The following USP22 variants were observed in gnomAD, a reference collection of about 807,000 sequenced individuals.
USP22 encodes ubiquitin carboxyl-terminal hydrolase 22.
Under a neutral mutation model 68.1 loss-of-function variants are expected in USP22, and 22 were observed. The observed-to-expected ratio is 0.32, with a 90% CI of 0.23 to 0.46. The LOEUF is 0.46. Among genes scored for constraint, USP22 ranks in the 20% least tolerant of loss-of-function variants. The pLI is 1.00. For missense variants in USP22, 433 were observed against 695.8 expected, an observed-to-expected ratio of 0.62 and a Z score of 4.25; for synonymous variants, 279 against 274.2, an observed-to-expected ratio of 1.02 and a Z score of -0.17.
rs112662835 is a variant in USP22, at chr17:21,026,100, A to C, written c.304+2442T>G. Reference sequence around the variant, plus strand: ...ATGGTGAAACCCCATCTCTACAAAAATACAAAAATTAGCTGGGCATGTTGG... The same window carrying C: ...ATGGTGAAACCCCATCTCTACAAAACTACAAAAATTAGCTGGGCATGTTGG... On this transcript the variant is annotated intron_variant, in intron 2 of 12. Coordinates refer to ENST00000261497, the MANE Select transcript of USP22 (RefSeq NM_015276.2). Among the ~76,000 whole-genome samples, 64 of 152,274 alleles carry C rather than the reference A, an allele frequency of 4.2e-4. 1 individual carries two copies. Among genetic ancestry groups the C allele is most frequent in the African/African-American group, 1.4e-3 (60 of 41,538 alleles).
intron 5 of USP22, among the ~76,000 whole-genome samples, chr17:21,017,061 T>C (rs1440975176): frequency 1.3e-5 from 2 of 152,190 alleles, no homozygotes; most frequent in Admixed American, 1.3e-4. Context: ...TTGCAGGTAC[T>C]TTGAGGAAAT....
At chr17:21,008,576 T>C (rs575073715) in intron 8 of USP22, among the ~76,000 whole-genome samples, 2 of 152,174 alleles carry the variant, frequency 1.3e-5, no homozygotes, top group East Asian at 1.9e-4. Flanking sequence ...CGTATGGAAA[T>C]GCAGGAGTCC....
chr17:21,005,011 A>G, intron 10 of USP22, 21 bp from the exon 11 acceptor site: 1 of 1,613,562 alleles, frequency 6.2e-7, no homozygotes, highest in Non-Finnish European at 8.5e-7. Context: ...CAACGGCAGG[A>G]TTCAGCATCA....
intron 1 of USP22, among the ~76,000 whole-genome samples, chr17:21,031,157 C>T (rs1237880758): frequency 1.3e-5 from 2 of 152,176 alleles, no homozygotes; most frequent in Non-Finnish European, 2.9e-5. Flanking sequence ...TTAAATTGAA[C>T]ACATGTACCC....
At position 21,004,709 on chromosome 17, in the gene USP22, T is replaced by G. The variant is rs138910705; in HGVS notation, c.1385+219A>C. Among the ~76,000 whole-genome samples the G allele has an allele frequency of 8.7e-3, 1,309 of 150,856 alleles. 26 individuals carry two copies. The highest frequency in any genetic ancestry group is 0.029 in the African/African-American group (1,210 of 41,176). On this transcript the variant is annotated intron_variant, in intron 11 of 12. Transcript: ENST00000261497. ...CCTCCCTCCTGCCAGAGGCCAAGAGTGGGGCTGGGCTCCTCCAACAGGAGG... is the reference window on the plus strand; with the variant it reads ...CCTCCCTCCTGCCAGAGGCCAAGAGGGGGGCTGGGCTCCTCCAACAGGAGG...
At chr17:21,034,098 A>G (rs1017987918) in intron 1 of USP22, among the ~76,000 whole-genome samples, 7 of 152,136 alleles carry the variant, frequency 4.6e-5, no homozygotes, top group Non-Finnish European at 8.8e-5. Flanking sequence ...CTAAAAAGCT[A>G]AAGACTTTGC....
chr17:21,042,775 G>T lies in USP22; in HGVS notation c.61C>A (p.Pro21Thr), dbSNP rs1972457669. The T allele has an allele frequency of 6.7e-7, 1 of 1,492,650 alleles. No homozygotes were observed. The highest frequency in any genetic ancestry group is 1.4e-5 in the African/African-American group (1 of 69,858). The allele number at this position is 1,492,650 out of a possible 1,614,324, so 92.5% of individuals were successfully genotyped here. Residue 21 changes from proline (P) to threonine (T), a missense_variant, in exon 1 of 13, where the codon CCG (proline) becomes ACG (threonine). Pro to Thr is a conservative substitution (Grantham distance 38). Transcript: ENST00000261497. Reference sequence around the variant, plus strand: ...AAGCTGCCCAGGTGCGAGCAGCCCGGCGGCGCTACCGCCAGCTCGGCGTCC... The same window carrying T: ...AAGCTGCCCAGGTGCGAGCAGCCCGTCGGCGCTACCGCCAGCTCGGCGTCC... ...AMDAELAVAPPGCSHLGSFKV... is the reference protein window; with the variant it reads ...AMDAELAVAPTGCSHLGSFKV...
intron 8 of USP22, 73 bp downstream of exon 8, chr17:21,011,078 T>C: frequency 6.6e-7 from 1 of 1,508,270 alleles, no homozygotes; most frequent in Non-Finnish European, 8.8e-7. Context: ...GAAAGAGCCC[T>C]GCTTTGGTCC....
intron 1 of USP22, among the ~76,000 whole-genome samples, chr17:21,029,910 T>G (rs1396010601): frequency 6.6e-6 from 1 of 152,156 alleles, no homozygotes; most frequent in Non-Finnish European, 1.5e-5. Context: ...ATAAAAACAT[T>G]TTCAAATTTG....
At chr17:21,022,381 A>AAAAAT (rs780443539) in intron 2 of USP22, among the ~76,000 whole-genome samples, 1 of 152,312 alleles carries the variant, frequency 6.6e-6, no homozygotes, top group African/African-American at 2.4e-5. Flanking sequence ...AAAAAGTCAA[A>AAAAAT]AAAATAAAAT....
chr17:21,035,882 T>C (rs1027834266), intron 1 of USP22, among the ~76,000 whole-genome samples: 1 of 151,436 alleles, frequency 6.6e-6, no homozygotes, highest in East Asian at 1.9e-4. Context: ...TACAAAAAAA[T>C]TAGCTGGGCG....
In USP22 at chr17:21,019,119, G is replaced by A; in HGVS notation, c.485C>T (p.Pro162Leu). ...GTTCGAGGTGATCTTTCTCCTTTTCGGGTTGTGCTTCAGCAGTTCAAGCTC... is the reference window on the plus strand; with the variant it reads ...GTTCGAGGTGATCTTTCTCCTTTTCAGGTTGTGCTTCAGCAGTTCAAGCTC... ...KRELELLKHN[P>L]KRRKITSNCT... The change falls in exon 4 of 13, where the codon CCG (proline) becomes CTG (leucine). Residue 162 changes from proline (P) to leucine (L), a missense_variant. Around this residue, in one of 4 missense-constraint regions of USP22, gnomAD observed 144 missense variants for 237.2 expected, o/e 0.61. Transcript: ENST00000261497. The A allele has an allele frequency of 6.2e-7, 1 of 1,614,116 alleles. No individual in the cohort carries two copies. The highest frequency in any genetic ancestry group is 8.5e-7 in the Non-Finnish European group (1 of 1,180,004).
At chr17:21,020,535 TG>T (rs1276765071) in intron 3 of USP22, among the ~76,000 whole-genome samples, 2 of 151,864 alleles carry the variant, frequency 1.3e-5, no homozygotes, top group Non-Finnish European at 1.5e-5. Flanking sequence ...TTCCATCTGG[TG>T]GGTGCACGCT....
intron 1 of USP22, 103 bp downstream of exon 1, chr17:21,042,562 C>T: frequency 1.5e-6 from 1 of 660,882 alleles, no homozygotes; most frequent in Non-Finnish European, 2.0e-6. Context: ...CAGGGAAAGG[C>T]AACGGGGGAA....
At position 21,001,886 on chromosome 17, in the gene USP22, T is replaced by C. The variant is rs1913592788; in HGVS notation, c.*1145A>G. On this transcript the variant is annotated 3_prime_UTR_variant, in exon 13 of 13. Transcript: ENST00000261497. ...ATCCTTCTACTTTCTCTTTCAGCTC[T>C]GCTGACAAGCTCAATCACGGTGTCA... The C allele has an allele frequency of 6.6e-6, 1 of 152,264 alleles. No homozygotes were observed. Among genetic ancestry groups the C allele is most frequent in the Non-Finnish European group, 1.5e-5 (1 of 68,050 alleles). 9.4% of individuals were successfully genotyped at this position (152,264 alleles called of 1,614,324 possible). A position where few individuals can be genotyped will look rare whatever the true frequency, so the allele number is the denominator to read the frequency against.
chr17:21,006,924 G>A lies in USP22; in HGVS notation c.1294C>T (p.Leu432=), dbSNP rs528659838. Residue 432 remains leucine, a synonymous_variant, in exon 10 of 13, where the codon CTG becomes TTG. Transcript: ENST00000261497. ...ITTYVSFPLE[L]DMTPFMASSK... Reference sequence around the variant, plus strand: ...GAGGCCATGAAAGGGGTCATGTCCAGCTCCAGGGGGAAGGACACATACGTG... The same window carrying A: ...GAGGCCATGAAAGGGGTCATGTCCAACTCCAGGGGGAAGGACACATACGTG... The A allele has an allele frequency of 3.2e-5, 52 of 1,609,194 alleles. 1 individual carries two copies. In the South Asian group the frequency reaches 5.7e-4, roughly 18 times the overall value.
chr17:21,004,142 AT>A (rs1364061219), intron 12 of USP22, 59 bp downstream of exon 12: 1 of 1,589,952 alleles, frequency 6.3e-7, no homozygotes, highest in Non-Finnish European at 8.6e-7. Context: ...AGTCTCAGCT[AT>A]ACCGGAGGGG....
chr17:21,023,196 G>A (rs879210037), intron 2 of USP22, among the ~76,000 whole-genome samples: 1 of 152,104 alleles, frequency 6.6e-6, no homozygotes, highest in Non-Finnish European at 1.5e-5. Context: ...AGTGGGAGAA[G>A]GGAGAGGATC....
intron 1 of USP22, among the ~76,000 whole-genome samples, chr17:21,033,174 G>A (rs934918042): frequency 3.9e-5 from 6 of 152,044 alleles, no homozygotes; most frequent in African/African-American, 1.4e-4. Context: ...CCAGGCTGGC[G>A]GGTTTTCCTA....
Sources: allele counts gnomAD v4.1 joint callset (sites outside exome capture counted in the v4.1 genomes callset), GRCh38; gene constraint gnomAD v4.1.1; regional missense constraint gnomAD v4.1.1; transcripts MANE v1.5; gene names NCBI Gene and HGNC (gene_info 2026-07-23, HGNC 2026-07-21).